The following RAB22A variants were observed in gnomAD, a reference collection of about 807,000 sequenced individuals.
RAB22A encodes the protein ras-related protein Rab-22A.
RAB22A carries 13 observed loss-of-function variants against 30.2 expected under a neutral mutation model. The observed-to-expected ratio is 0.43, with a 90% confidence interval of 0.28 to 0.68. The LOEUF is 0.68. RAB22A is among the 30% of genes least tolerant of loss of function. RAB22A has a pLI of 0.18. For synonymous variants in RAB22A, 89 were observed against 87.2 expected (o/e 1.02, Z -0.11); for missense variants, 177 against 246.8 (o/e 0.72, Z 1.89).
chr20:58,359,752 G>GT lies in RAB22A; in HGVS notation c.*51dup, dbSNP rs1294818319. On this transcript the variant is annotated 3_prime_UTR_variant, in exon 7 of 7. Transcript: ENST00000244040. ...GATGATGAAGTAGGTGGTCCTGAAA[G>GT]TTAACAGGAGGGCTGGGGTCCCTGC... is the stretch of plus-strand genomic sequence containing the variant. 2.6e-6 allele frequency: 4 copies of GT among 1,510,568 alleles called. No homozygotes were observed. The highest frequency in any genetic ancestry group is 3.7e-6 in the Non-Finnish European group (4 of 1,092,048). 93.6% of individuals were successfully genotyped at this position (1,510,568 alleles called of 1,614,324 possible).
chr20:58,344,964 T>G (rs1187399049), intron 3 of RAB22A, among the ~76,000 whole-genome samples: 2 of 152,224 alleles, frequency 1.3e-5, no homozygotes, highest in Non-Finnish European at 2.9e-5. Flanking sequence ...TTTGCTCATG[T>G]TGTACATCTA....
At chr20:58,321,542 C>T (rs1201839398) in intron 2 of RAB22A, among the ~76,000 whole-genome samples, 2 of 152,164 alleles carry the variant, frequency 1.3e-5, no homozygotes, top group African/African-American at 4.8e-5. Flanking sequence ...CGTTAATTAG[C>T]TCATTTAATA....
intron 2 of RAB22A, among the ~76,000 whole-genome samples, chr20:58,326,618 G>T (rs1654041655): frequency 6.6e-6 from 1 of 152,032 alleles, no homozygotes; most frequent in Non-Finnish European, 1.5e-5. Context: ...GAATATACAT[G>T]CTATGAACAT....
chr20:58,356,980 T>G (rs1987140223), intron 6 of RAB22A, among the ~76,000 whole-genome samples: 1 of 152,238 alleles, frequency 6.6e-6, no homozygotes, highest in Non-Finnish European at 1.5e-5. Context: ...CTCTAAACAT[T>G]CTGATCGTAT....
At position 58,359,841 on chromosome 20, in the gene RAB22A, C is replaced by T. The variant is rs1568683589; in HGVS notation, c.*138C>T. 8.0e-6 allele frequency: 5 copies of T among 623,624 alleles called. No individual in the cohort carries two copies. The highest frequency in any genetic ancestry group is 1.3e-5 in the Non-Finnish European group (5 of 372,670). The allele number at this position is 623,624 out of a possible 1,614,324, so 38.6% of individuals were successfully genotyped here. A position where few individuals can be genotyped will look rare whatever the true frequency, so the allele number is the denominator to read the frequency against. ...GCAAAAAGGATTCACAGAAATGGAC[C>T]AGTTCTGTTCTCCAAAGACTGCAGC... On this transcript the variant is annotated 3_prime_UTR_variant, in exon 7 of 7. Coordinates refer to ENST00000244040, the MANE Select transcript of RAB22A (RefSeq NM_020673.3).
Position 58,361,484 on chromosome 20 carries a change from CAT to C in RAB22A, c.*1782_*1783del, listed in dbSNP as rs1479085288. On this transcript the variant is annotated 3_prime_UTR_variant, in exon 7 of 7. Transcript: ENST00000244040. ...TTCTAACTTCGTTTTGTTTAAAAGA[CAT>C]GTGGATGCTCCATGCCCCTAGGATT... 2.0e-5 allele frequency: 3 copies of C among 152,122 alleles called. No individual in the cohort carries two copies. Among genetic ancestry groups the C allele is most frequent in the Admixed American group, 6.5e-5 (1 of 15,274 alleles). 9.4% of individuals were successfully genotyped at this position (152,122 alleles called of 1,614,324 possible). A position where few individuals can be genotyped will look rare whatever the true frequency, so the allele number is the denominator to read the frequency against.
chr20:58,319,822 A>AT lies in RAB22A; in HGVS notation c.116+8706dup, dbSNP rs1187238202. On this transcript the variant is annotated intron_variant, in intron 2 of 6. Transcript: ENST00000244040. The stretch of plus-strand genomic sequence containing the variant: ...TCCCTTCTATTCCTGAATTAATGAG[A>AT]TTTTTTGTCATGAATTGTGTTGAAT... Among the ~76,000 whole-genome samples the AT allele has an allele frequency of 2.1e-4, 32 of 152,022 alleles. 1 individual carries two copies. Among genetic ancestry groups the AT allele is most frequent in the Non-Finnish European group, 3.5e-4 (24 of 67,996 alleles).
At chr20:58,310,919 C>A in intron 1 of RAB22A, 124 bp from the exon 2 acceptor site, 1 of 761,030 alleles carries the variant, frequency 1.3e-6, no homozygotes, top group South Asian at 1.6e-5. Flanking sequence ...TTGTGTTCCT[C>A]CGTTTATAAA....
intron 2 of RAB22A, among the ~76,000 whole-genome samples, chr20:58,325,786 A>G (rs1237971197): frequency 6.6e-6 from 1 of 152,150 alleles, no homozygotes; most frequent in Non-Finnish European, 1.5e-5. Flanking sequence ...TAAATGTTCC[A>G]TGTTTATTTG....
In RAB22A at chr20:58,363,918, G is replaced by A. The variant is rs771290300; in HGVS notation, c.*4215G>A. On this transcript the variant is annotated 3_prime_UTR_variant, in exon 7 of 7. Coordinates refer to ENST00000244040, the MANE Select transcript of RAB22A (RefSeq NM_020673.3). ...AGTTTTAGAAAAAAGGGTTGGGGGT[G>A]GAATTTAGCCTAGAACTTAAAGAAA... 6.6e-6 allele frequency: 1 copy of A among 152,536 alleles called. No individual in the cohort carries two copies. Among genetic ancestry groups the A allele is most frequent in the Non-Finnish European group, 1.5e-5 (1 of 68,030 alleles). 9.4% of individuals were successfully genotyped at this position (152,536 alleles called of 1,614,324 possible).
intron 2 of RAB22A, among the ~76,000 whole-genome samples, chr20:58,315,598 TAGG>T (rs1316679768): frequency 6.6e-6 from 1 of 152,146 alleles, no homozygotes; most frequent in Non-Finnish European, 1.5e-5. Context: ...TAGGGAGTTT[TAGG>T]AGAATTCCGT....
chr20:58,351,058 G>A (rs929441868), intron 3 of RAB22A, among the ~76,000 whole-genome samples: 1 of 152,158 alleles, frequency 6.6e-6, no homozygotes, highest in Non-Finnish European at 1.5e-5. Flanking sequence ...ACGTGCAGTA[G>A]TCCAGACACA....
At chr20:58,346,948 T>C (rs1012614170) in intron 3 of RAB22A, among the ~76,000 whole-genome samples, 4 of 152,214 alleles carry the variant, frequency 2.6e-5, no homozygotes, top group African/African-American at 4.8e-5. Flanking sequence ...ATATCTCTGC[T>C]CTCAGCCCCT....
chr20:58,351,092 C>A (rs1008315404), intron 3 of RAB22A, among the ~76,000 whole-genome samples: 3 of 152,158 alleles, frequency 2.0e-5, no homozygotes, highest in Non-Finnish European at 2.9e-5. Context: ...GTAATCCCAG[C>A]ACTTTGAAAG....
At chr20:58,353,172 A>T in intron 3 of RAB22A, 101 bp from the exon 4 acceptor site, 1 of 1,118,904 alleles carries the variant, frequency 8.9e-7, no homozygotes, top group Non-Finnish European at 1.3e-6. Context: ...GGCTTAAGAG[A>T]AAGATTACTT....
rs1411361142 is a variant in RAB22A, at chr20:58,362,976, CTT to C, written c.*3274_*3275del. 6.6e-6 allele frequency: 1 copy of C among 152,182 alleles called. No individual in the cohort carries two copies. Among genetic ancestry groups the C allele is most frequent in the Non-Finnish European group, 1.5e-5 (1 of 68,010 alleles). The allele number at this position is 152,182 out of a possible 1,614,324, so 9.4% of individuals were successfully genotyped here. A position where few individuals can be genotyped will look rare whatever the true frequency, so the allele number is the denominator to read the frequency against. ...AAGGAAACCAACTTTAATTTCAGAA[CTT>C]CTCTTTACGTCTTGTATGTATTTCT... On this transcript the variant is annotated 3_prime_UTR_variant, in exon 7 of 7. Coordinates refer to ENST00000244040, the MANE Select transcript of RAB22A (RefSeq NM_020673.3).
At position 58,366,099 on chromosome 20, in the gene RAB22A, T is replaced by G. The variant is rs952065525; in HGVS notation, c.*6396T>G. Reference sequence around the variant, plus strand: ...ATAATTGTCAATCATTCCTCTGACCTTCTTAAGAATTTACACCTTACCGTC... The same window carrying G: ...ATAATTGTCAATCATTCCTCTGACCGTCTTAAGAATTTACACCTTACCGTC... On this transcript the variant is annotated 3_prime_UTR_variant, in exon 7 of 7. Transcript: ENST00000244040. The G allele has an allele frequency of 7.0e-6, 1 of 143,330 alleles. No homozygotes were observed. Among genetic ancestry groups the G allele is most frequent in the African/African-American group, 3.0e-5 (1 of 33,064 alleles). The allele number at this position is 143,330 out of a possible 1,614,324, so 8.9% of individuals were successfully genotyped here. A position where few individuals can be genotyped will look rare whatever the true frequency, so the allele number is the denominator to read the frequency against.
At chr20:58,356,235 C>G (rs913208651) in intron 6 of RAB22A, among the ~76,000 whole-genome samples, 1 of 150,782 alleles carries the variant, frequency 6.6e-6, no homozygotes, top group Non-Finnish European at 1.5e-5. Context: ...CGCTTGAACC[C>G]GGGAGGTGGA....
intron 2 of RAB22A, among the ~76,000 whole-genome samples, chr20:58,339,959 T>A (rs1986827342): frequency 6.6e-6 from 1 of 152,086 alleles, no homozygotes; most frequent in Admixed American, 6.5e-5. Context: ...CCCCCTCCCA[T>A]GTCTCACCCT....
Sources: gnomAD v4.1 joint callset for allele counts (sites outside exome capture counted in the v4.1 genomes callset) on GRCh38, gnomAD v4.1.1 for gene constraint, MANE v1.5 for transcripts, NCBI Gene and HGNC (gene_info 2026-07-23, HGNC 2026-07-21) for gene names.